Variants in PDZD9 observed in about 807,000 individuals in gnomAD.
The protein encoded by PDZD9 is PDZ domain-containing protein 9.
PDZD9 carries 13 observed loss-of-function variants against 16.3 expected under a neutral mutation model. That is an observed-to-expected ratio of 0.80 (90% CI 0.52 to 1.27). The LOEUF is 1.27. PDZD9 is among the 50% of genes most tolerant of loss of function. PDZD9 has a pLI of 0.00. For missense variants in PDZD9, 288 were observed against 310.9 expected, an observed-to-expected ratio of 0.93 and a Z score of 0.55; for synonymous variants, 120 against 111.0, an observed-to-expected ratio of 1.08 and a Z score of -0.51.
rs547286131 is a variant in PDZD9, at chr16:21,996,354, C to T, written c.179G>A (p.Gly60Glu). The T allele has an allele frequency of 1.3e-6, 2 of 1,535,970 alleles. No homozygotes were observed. Among genetic ancestry groups the T allele is most frequent in the South Asian group, 2.4e-5 (2 of 84,046 alleles). The change falls in exon 2 of 4, where the codon GGG becomes GAG. Residue 60 changes from glycine to glutamate, a missense_variant. Transcript: ENST00000424898. Reference protein sequence around the residue: ...YLQITHLIRKGAAANDGKLQP... With the variant: ...YLQITHLIRKEAAANDGKLQP... The stretch of plus-strand genomic sequence containing the variant: ...GAGTTTCCCGTCGTTGGCTGCAGCC[C>T]CCTTCCTGATGAGGTGGGTGATCTG...
the PDZD9 span, chr16:21,972,103 C>G: frequency 6.2e-7 from 1 of 1,613,692 alleles, no homozygotes; most frequent in Non-Finnish European, 8.5e-7. Flanking sequence ...GTTGCCAAGG[C>G]AACTCAGCAG....
intron 3 of PDZD9, among the ~76,000 whole-genome samples, chr16:21,986,618 A>C (rs886691163): frequency 2.6e-5 from 4 of 152,172 alleles, no homozygotes; most frequent in African/African-American, 9.7e-5. Context: ...ATTAAAAACA[A>C]GTGAACCACT....
chr16:21,996,338 G>A lies in PDZD9; in HGVS notation c.195C>T (p.Asp65=), dbSNP rs1171642794. 6.5e-6 allele frequency: 10 copies of A among 1,535,548 alleles called. No homozygotes were observed. Among genetic ancestry groups the A allele is most frequent in the Middle Eastern group, 1.7e-4 (1 of 5,810 alleles). The stretch of plus-strand genomic sequence containing the variant: ...GGCAATCACCTGGCTGGAGTTTCCC[G>A]TCGTTGGCTGCAGCCCCCTTCCTGA... ...HLIRKGAAAN[D]GKLQPGDVLI... Residue 65 remains aspartate, a synonymous_variant, in exon 2 of 4, where the codon GAC becomes GAT. Transcript: ENST00000424898.
the PDZD9 span, among the ~76,000 whole-genome samples, chr16:21,977,937 C>T: frequency 6.6e-6 from 1 of 152,086 alleles, no homozygotes; most frequent in Non-Finnish European, 1.5e-5. Context: ...CGATAGGATG[C>T]AGGGCTGCTT....
At chr16:21,968,763 G>T in the PDZD9 span, 2 of 1,331,928 alleles carry the variant, frequency 1.5e-6, no homozygotes, top group South Asian at 1.6e-5. Context: ...GTGAACATAG[G>T]ATTGAACAAA....
chr16:21,996,929 C>T (rs1899166387), intron 1 of PDZD9, among the ~76,000 whole-genome samples: 1 of 152,090 alleles, frequency 6.6e-6, no homozygotes, highest in Non-Finnish European at 1.5e-5. Context: ...CTCAAGGGCT[C>T]CTCCCACCTC....
the PDZD9 span, among the ~76,000 whole-genome samples, chr16:21,964,059 T>C: frequency 6.6e-6 from 1 of 152,100 alleles, no homozygotes; most frequent in South Asian, 2.1e-4. Flanking sequence ...GGAGCAGAAA[T>C]GTGCAGGAAG....
At chr16:21,980,601 G>A, downstream of PDZD9, 1 of 1,614,154 alleles carries the variant, frequency 6.2e-7, no homozygotes, top group Non-Finnish European at 8.5e-7. Flanking sequence ...AGTGTTTCCT[G>A]GAAGAAGTCG....
chr16:21,982,310 C>T (rs183936918), downstream of PDZD9, among the ~76,000 whole-genome samples: 364 of 152,266 alleles, frequency 2.4e-3, 3 homozygotes, highest in African/African-American at 8.2e-3. Flanking sequence ...CTACACTTAA[C>T]CAGCCTTTGA....
the PDZD9 span, among the ~76,000 whole-genome samples, chr16:21,978,120 G>A: frequency 6.6e-6 from 1 of 152,224 alleles, no homozygotes; most frequent in Non-Finnish European, 1.5e-5. Context: ...GAATATTAAT[G>A]TCAAAGTATG....
At chr16:21,983,012 G>T, downstream of PDZD9, 271 of 1,003,914 alleles carry the variant, frequency 2.7e-4, no homozygotes, top group Non-Finnish European at 3.6e-4. Flanking sequence ...TTCTTGAAAT[G>T]ACAAAATAAG....
chr16:21,960,557 A>C, the PDZD9 span, among the ~76,000 whole-genome samples: 2 of 152,200 alleles, frequency 1.3e-5, no homozygotes, highest in African/African-American at 4.8e-5. Flanking sequence ...CAAGAACTGC[A>C]CTGGTGCAAG....
At chr16:21,994,652 A>G (rs1169793439) in intron 2 of PDZD9, among the ~76,000 whole-genome samples, 3 of 152,116 alleles carry the variant, frequency 2.0e-5, no homozygotes, top group Non-Finnish European at 4.4e-5. Flanking sequence ...GGATTGTGAG[A>G]GTGAAATGAG....
At chr16:21,959,405 A>G in the PDZD9 span, 9 of 269,046 alleles carry the variant, frequency 3.3e-5, no homozygotes, top group South Asian at 3.1e-4. Context: ...CTCATCCATA[A>G]GAAGCATCTC....
chr16:21,987,904 C>T (rs1406142697), intron 3 of PDZD9, among the ~76,000 whole-genome samples: 1 of 151,252 alleles, frequency 6.6e-6, no homozygotes, highest in East Asian at 1.9e-4. Context: ...ATAGGATTTG[C>T]CAAGATGGGA....
downstream of PDZD9, chr16:21,980,665 C>T (rs772913230): frequency 1.9e-6 from 3 of 1,614,004 alleles, no homozygotes; most frequent in Non-Finnish European, 1.7e-6. Context: ...AGTCCTTCAG[C>T]AGATTGATTC....
chr16:21,983,825 GA>G (rs925520295), downstream of PDZD9: 19 of 150,294 alleles, frequency 1.3e-4, no homozygotes, highest in African/African-American at 1.7e-4. Flanking sequence ...CTAAAAAGGG[GA>G]AAAAAAAAGA....
At chr16:21,975,580 G>A in the PDZD9 span, among the ~76,000 whole-genome samples, 1 of 152,198 alleles carries the variant, frequency 6.6e-6, no homozygotes, top group Admixed American at 6.5e-5. Flanking sequence ...CCACATCCCC[G>A]GAACTTTATT....
intron 1 of PDZD9, chr16:21,998,799 A>AG: frequency 6.6e-6 from 1 of 152,150 alleles, no homozygotes; most frequent in South Asian, 2.1e-4. Flanking sequence ...AAAAAAAAAA[A>AG]AAAGAGAGAG....
Sources: allele counts gnomAD v4.1 joint callset (sites outside exome capture counted in the v4.1 genomes callset), GRCh38; gene constraint gnomAD v4.1.1; transcripts MANE v1.5; gene names NCBI Gene and HGNC (gene_info 2026-07-23, HGNC 2026-07-21).